The following LYPLAL1 variants were observed in gnomAD, a reference collection of about 807,000 sequenced individuals.
LYPLAL1 encodes the protein lysophospholipase-like protein 1.
LYPLAL1 carries 23 observed loss-of-function variants against 19.7 expected under a neutral mutation model. That is an observed-to-expected ratio of 1.17 (90% CI 0.84 to 1.65). The LOEUF is 1.65. Among genes scored for constraint, LYPLAL1 ranks in the 40% most tolerant of loss-of-function variants. LYPLAL1 has a pLI of 0.00. For synonymous variants in LYPLAL1, 119 were observed against 96.3 expected (o/e 1.24, Z -1.38); for missense variants, 355 against 279.4 (o/e 1.27, Z -1.93).
Position 219,210,656 on chromosome 1 carries a change from C to T in LYPLAL1, c.477+9C>T. On this transcript the variant is annotated intron_variant, in intron 4 of 4. Coordinates refer to ENST00000366928, the MANE Select transcript of LYPLAL1 (RefSeq NM_138794.5). ...CATCTGCTGTTTACCAGGTAAGTTC[C>T]AGATTTAAAAAAAAATGAAAAAAAT... is the stretch of plus-strand genomic sequence containing the variant. 1.3e-6 allele frequency: 2 copies of T among 1,588,938 alleles called. No individual in the cohort carries two copies. The highest frequency in any genetic ancestry group is 1.7e-6 in the Non-Finnish European group (2 of 1,170,784).
the LYPLAL1 span, among the ~76,000 whole-genome samples, chr1:219,232,379 T>C: frequency 6.6e-6 from 1 of 152,102 alleles, no homozygotes; most frequent in Non-Finnish European, 1.5e-5. Flanking sequence ...TACCCTATAC[T>C]GTATACAAAA....
At chr1:219,424,621 T>A in the LYPLAL1 span, among the ~76,000 whole-genome samples, 1 of 152,104 alleles carries the variant, frequency 6.6e-6, no homozygotes. Context: ...CCTGATGACA[T>A]CCTCATACCA....
chr1:219,344,009 G>A, the LYPLAL1 span, among the ~76,000 whole-genome samples: 1 of 151,954 alleles, frequency 6.6e-6, no homozygotes, highest in Non-Finnish European at 1.5e-5. Flanking sequence ...AAATTCTGTA[G>A]CAACTTGAAT....
the LYPLAL1 span, among the ~76,000 whole-genome samples, chr1:219,239,401 G>T: frequency 3.1e-4 from 47 of 152,192 alleles, no homozygotes; most frequent in African/African-American, 1.1e-3. Context: ...TTAGTAAATG[G>T]ATGAGTAGGT....
At chr1:219,288,844 A>C in the LYPLAL1 span, among the ~76,000 whole-genome samples, 69,257 of 151,780 alleles carry the variant, frequency 0.46, 16,201 homozygotes, top group East Asian at 0.69. Context: ...CATGTTTTAA[A>C]ATTGTACTTT....
the LYPLAL1 span, chr1:219,271,329 C>G: frequency 6.6e-6 from 1 of 151,434 alleles, no homozygotes; most frequent in South Asian, 2.1e-4. Context: ...GTGCTAATCC[C>G]CACAGCACAA....
chr1:219,255,792 C>T, the LYPLAL1 span, among the ~76,000 whole-genome samples: 2 of 151,816 alleles, frequency 1.3e-5, no homozygotes, highest in African/African-American at 2.4e-5. Context: ...GAGTATTTAT[C>T]ATGAATAAAT....
the LYPLAL1 span, among the ~76,000 whole-genome samples, chr1:219,397,402 G>T: frequency 2.6e-5 from 4 of 152,138 alleles, no homozygotes; most frequent in African/African-American, 9.7e-5. Context: ...TCATTGCTAG[G>T]TATCAGGGTG....
the LYPLAL1 span, among the ~76,000 whole-genome samples, chr1:219,260,169 A>G: frequency 8.6e-5 from 13 of 151,974 alleles, no homozygotes; most frequent in Non-Finnish European, 1.6e-4. Flanking sequence ...AATAAACCTC[A>G]TTTATATCAA....
chr1:219,192,986 A>G, intron 2 of LYPLAL1, 96 bp from the exon 3 acceptor site: 1 of 1,247,104 alleles, frequency 8.0e-7, no homozygotes, highest in Non-Finnish European at 1.1e-6. Flanking sequence ...AATTGAAATC[A>G]TTTATTCAAA....
chr1:219,314,341 A>G, the LYPLAL1 span, among the ~76,000 whole-genome samples: 52,277 of 152,222 alleles, frequency 0.34, 9,866 homozygotes, highest in East Asian at 0.81. Flanking sequence ...CATATACCCA[A>G]TAATGGGATT....
chr1:219,429,275 A>C, the LYPLAL1 span, among the ~76,000 whole-genome samples: 3 of 152,192 alleles, frequency 2.0e-5, no homozygotes, highest in Admixed American at 6.5e-5. Flanking sequence ...ATATGTGAGA[A>C]TATATGAGTC....
the LYPLAL1 span, among the ~76,000 whole-genome samples, chr1:219,401,661 A>G: frequency 6.6e-6 from 1 of 152,174 alleles, no homozygotes; most frequent in Non-Finnish European, 1.5e-5. Flanking sequence ...TTTGGAAGGT[A>G]TGCCAGCAAA....
chr1:219,404,893 G>A, the LYPLAL1 span, among the ~76,000 whole-genome samples: 253 of 152,216 alleles, frequency 1.7e-3, 2 homozygotes, highest in South Asian at 0.015. Flanking sequence ...TTGACACCAC[G>A]TCCTTTTTAC....
chr1:219,254,120 A>G, the LYPLAL1 span, among the ~76,000 whole-genome samples: 23 of 151,604 alleles, frequency 1.5e-4, no homozygotes, highest in African/African-American at 5.3e-4. Context: ...TTTCTGTTTT[A>G]CATTTGCTTG....
downstream of LYPLAL1, among the ~76,000 whole-genome samples, chr1:219,214,210 A>G (rs903877306): frequency 1.1e-4 from 16 of 152,204 alleles, no homozygotes; most frequent in Middle Eastern, 6.8e-3. Context: ...TTAGCTTTGC[A>G]TTCCTGAAAT....
chr1:219,320,280 A>G, the LYPLAL1 span, among the ~76,000 whole-genome samples: 2 of 151,786 alleles, frequency 1.3e-5, no homozygotes, highest in South Asian at 2.1e-4. Context: ...TCATTTTTCC[A>G]TTAACTTTTG....
chr1:219,367,642 C>G, the LYPLAL1 span, among the ~76,000 whole-genome samples: 1 of 152,136 alleles, frequency 6.6e-6, no homozygotes, highest in African/African-American at 2.4e-5. Flanking sequence ...TCTAATTGAA[C>G]TTTTCACTTT....
chr1:219,179,041 T>A (rs1219202445), intron 1 of LYPLAL1, 106 bp from the exon 2 acceptor site: 5 of 680,840 alleles, frequency 7.3e-6, no homozygotes, highest in Admixed American at 7.0e-5. Flanking sequence ...GGAGCTTTTT[T>A]AAATCCTTTA....
Sources: allele counts gnomAD v4.1 joint callset (sites outside exome capture counted in the v4.1 genomes callset), GRCh38; gene constraint gnomAD v4.1.1; transcripts MANE v1.5; gene names NCBI Gene and HGNC (gene_info 2026-07-23, HGNC 2026-07-21).